The following CYYR1 variants were observed in gnomAD, a reference collection of about 807,000 sequenced individuals.
CYYR1 encodes the protein cysteine and tyrosine rich 1, also known as cysteine and tyrosine-rich protein 1.
CYYR1 carries 14 observed loss-of-function variants against 15.2 expected under a neutral mutation model. That is an observed-to-expected ratio of 0.92 (90% CI 0.61 to 1.44). The LOEUF (loss-of-function observed/expected upper bound fraction) is 1.44, where lower values mean the gene tolerates loss of function less well. Among genes scored for constraint, CYYR1 ranks in the 40% most tolerant of loss-of-function variants. The probability of loss-of-function intolerance (pLI) is 0.00; values close to 1 mark genes in which losing one functional copy is unlikely to be tolerated. For synonymous variants in CYYR1, 80 were observed against 77.4 expected (o/e 1.03, Z -0.18); for missense variants, 228 against 209.5 (o/e 1.09, Z -0.54).
intron 2 of CYYR1, among the ~76,000 whole-genome samples, chr21:26,563,222 AG>A (rs1980362682): frequency 6.6e-6 from 1 of 152,132 alleles, no homozygotes; most frequent in Non-Finnish European, 1.5e-5. Flanking sequence ...AGAAAGAAAA[AG>A]GGCACCTGAA....
In CYYR1 at chr21:26,519,426, C is replaced by T. The variant is rs1452483949; in HGVS notation, c.177-38997G>A. Among the ~76,000 whole-genome samples the T allele has an allele frequency of 2.6e-5, 4 of 152,098 alleles. No homozygotes were observed. The East Asian group carries it at 7.8e-4, about 29-fold the overall frequency. ...ACAGCATACCAGACAGATGGCACAGCTAGGAGAGGGACCTGAAGGGAATCT... is the reference window on the plus strand; with the variant it reads ...ACAGCATACCAGACAGATGGCACAGTTAGGAGAGGGACCTGAAGGGAATCT... On this transcript the variant is annotated intron_variant, in intron 2 of 3. Transcript: ENST00000652641.
At chr21:26,499,764 G>A (rs2065454695) in intron 2 of CYYR1, among the ~76,000 whole-genome samples, 1 of 151,966 alleles carries the variant, frequency 6.6e-6, no homozygotes, top group African/African-American at 2.4e-5. Flanking sequence ...GCTGGAAGAG[G>A]ATTACATTTT....
intron 2 of CYYR1, among the ~76,000 whole-genome samples, chr21:26,501,843 G>T (rs1211594904): frequency 6.6e-6 from 1 of 152,250 alleles, no homozygotes; most frequent in African/African-American, 2.4e-5. Context: ...TGAAGAACAC[G>T]CCATGAGAGA....
At chr21:26,567,825 GAT>G (rs1980745186) in intron 1 of CYYR1, 2 of 152,188 alleles carry the variant, frequency 1.3e-5, no homozygotes, top group South Asian at 4.1e-4. Context: ...TCCCTGCTAA[GAT>G]GATACTTTAC....
At chr21:26,534,436 C>T (rs1367869974) in intron 2 of CYYR1, among the ~76,000 whole-genome samples, 2 of 152,156 alleles carry the variant, frequency 1.3e-5, no homozygotes, top group African/African-American at 4.8e-5. Context: ...CCATCTTGCT[C>T]AGTCATCAGG....
chr21:26,485,245 A>G (rs974362700), intron 2 of CYYR1, among the ~76,000 whole-genome samples: 4 of 152,060 alleles, frequency 2.6e-5, no homozygotes, highest in African/African-American at 9.7e-5. Context: ...AAGAGTACAG[A>G]GAGAGCTCAC....
At chr21:26,507,632 TA>T (rs1017665934) in intron 2 of CYYR1, among the ~76,000 whole-genome samples, 3 of 152,156 alleles carry the variant, frequency 2.0e-5, no homozygotes, top group African/African-American at 7.2e-5. Context: ...ATTACAAAGA[TA>T]AATCAATCTG....
intron 2 of CYYR1, among the ~76,000 whole-genome samples, chr21:26,547,137 A>G (rs1439905914): frequency 6.6e-6 from 1 of 152,144 alleles, no homozygotes; most frequent in Non-Finnish European, 1.5e-5. Flanking sequence ...GTTCGGGCTC[A>G]GAAACTGATC....
chr21:26,559,753 C>T (rs1001905358), intron 2 of CYYR1, among the ~76,000 whole-genome samples: 8 of 152,140 alleles, frequency 5.3e-5, no homozygotes, highest in African/African-American at 1.9e-4. Flanking sequence ...TTTCTGTTAT[C>T]CATCAAGTTT....
At chr21:26,550,866 GCTAC>G (rs1351792540) in intron 2 of CYYR1, 1 of 152,244 alleles carries the variant, frequency 6.6e-6, no homozygotes, top group African/African-American at 2.4e-5. Context: ...GATAAACGTG[GCTAC>G]ATTAAACAAC....
chr21:26,544,335 A>T (rs1216111672), intron 2 of CYYR1, among the ~76,000 whole-genome samples: 1 of 152,210 alleles, frequency 6.6e-6, no homozygotes, highest in Non-Finnish European at 1.5e-5. Flanking sequence ...CGCTTAGAAA[A>T]CCAGACACAG....
At chr21:26,531,312 A>G (rs2065927926) in intron 2 of CYYR1, among the ~76,000 whole-genome samples, 1 of 152,112 alleles carries the variant, frequency 6.6e-6, no homozygotes, top group African/African-American at 2.4e-5. Context: ...CCCGCGGCTG[A>G]AATTCCCATA....
intron 2 of CYYR1, among the ~76,000 whole-genome samples, chr21:26,557,997 C>T (rs1453500523): frequency 6.6e-6 from 1 of 152,200 alleles, no homozygotes; most frequent in Non-Finnish European, 1.5e-5. Flanking sequence ...GGTCCACATC[C>T]CATCAGTCCT....
rs567319941 is a variant in CYYR1, at chr21:26,546,881, T to C, written c.176+19385A>G. ...TTGCCCAGCTCAGGGAGGAAGTTCA[T>C]TGTGGCTCGACGCTGCTTCAGAGGA... On this transcript the variant is annotated intron_variant, in intron 2 of 3. Transcript: ENST00000652641. Among the ~76,000 whole-genome samples the C allele has an allele frequency of 3.9e-5, 6 of 152,194 alleles. No individual in the cohort carries two copies. In the South Asian group the frequency reaches 6.2e-4, roughly 16 times the overall value.
chr21:26,527,092 C>G (rs1344093240), intron 2 of CYYR1, among the ~76,000 whole-genome samples: 1 of 152,114 alleles, frequency 6.6e-6, no homozygotes, highest in Non-Finnish European at 1.5e-5. Flanking sequence ...CATGAGTGAT[C>G]AGAAGTCAGG....
At chr21:26,489,222 C>T (rs1396839065) in intron 2 of CYYR1, among the ~76,000 whole-genome samples, 2 of 152,094 alleles carry the variant, frequency 1.3e-5, no homozygotes, top group African/African-American at 4.8e-5. Flanking sequence ...TTTAAGAAAT[C>T]TATACATTAC....
chr21:26,571,471 G>A (rs1335716439), intron 1 of CYYR1, among the ~76,000 whole-genome samples: 1 of 152,222 alleles, frequency 6.6e-6, no homozygotes, highest in African/African-American at 2.4e-5. Flanking sequence ...GGAGGAGGGG[G>A]CAGATGTGTA....
At chr21:26,512,481 G>C (rs576822593) in intron 2 of CYYR1, among the ~76,000 whole-genome samples, 1 of 152,172 alleles carries the variant, frequency 6.6e-6, no homozygotes, top group South Asian at 2.1e-4. Context: ...GGATCACAGC[G>C]TGAGCCACCG....
chr21:26,516,808 T>G (rs1409949395), intron 2 of CYYR1, among the ~76,000 whole-genome samples: 1 of 152,162 alleles, frequency 6.6e-6, no homozygotes, highest in Non-Finnish European at 1.5e-5. Context: ...AAGCAATGTT[T>G]AGCCAGGATT....
Sources: gnomAD v4.1 joint callset for allele counts (sites outside exome capture counted in the v4.1 genomes callset) on GRCh38, gnomAD v4.1.1 for gene constraint, MANE v1.5 for transcripts, NCBI Gene and HGNC (gene_info 2026-07-23, HGNC 2026-07-21) for gene names.